CNTN6: variants seen among roughly 807,000 people sequenced by gnomAD.
CNTN6 encodes contactin-6.
A neutral mutation model predicts 122.8 loss-of-function variants in CNTN6; 137 were observed. The observed-to-expected ratio is 1.12, with a 90% CI of 0.97 to 1.29. The LOEUF is 1.29. Among genes scored for constraint, CNTN6 ranks in the 50% most tolerant of loss-of-function variants. The pLI is 0.00. For synonymous variants in CNTN6, 570 were observed against 426.0 expected, an observed-to-expected ratio of 1.34 and a Z score of -4.16; for missense variants, 1,634 against 1,223.4, an observed-to-expected ratio of 1.34 and a Z score of -5.01.
intron 17 of CNTN6, among the ~76,000 whole-genome samples, chr3:1,377,800 G>T (rs573559012): frequency 2.6e-5 from 4 of 152,190 alleles, no homozygotes; most frequent in Non-Finnish European, 4.4e-5. Flanking sequence ...AGCTGTAGAA[G>T]GTTGGTGTTG....
intron 7 of CNTN6, among the ~76,000 whole-genome samples, chr3:1,304,779 G>A (rs1698058353): frequency 6.6e-6 from 1 of 151,880 alleles, no homozygotes; most frequent in Non-Finnish European, 1.5e-5. Context: ...GGATCACGAG[G>A]TCAGGAGTTC....
At chr3:1,181,628 T>C (rs1316486129) in intron 2 of CNTN6, among the ~76,000 whole-genome samples, 2 of 152,138 alleles carry the variant, frequency 1.3e-5, no homozygotes, top group Non-Finnish European at 2.9e-5. Context: ...CTCCAGGTAT[T>C]ACATTTATGC....
intron 1 of CNTN6, among the ~76,000 whole-genome samples, chr3:1,107,028 G>C (rs368087380): frequency 6.6e-6 from 1 of 152,000 alleles, no homozygotes; most frequent in Admixed American, 6.6e-5. Flanking sequence ...GTTTTATTAA[G>C]GGTCTCAATG....
At chr3:1,359,699 C>A (rs750527850) in intron 12 of CNTN6, among the ~76,000 whole-genome samples, 1 of 151,952 alleles carries the variant, frequency 6.6e-6, no homozygotes, top group African/African-American at 2.4e-5. Flanking sequence ...TTTAGACTTA[C>A]GGATTGTATT....
chr3:1,312,660 A>C (rs1327413388), intron 7 of CNTN6, among the ~76,000 whole-genome samples: 1 of 150,620 alleles, frequency 6.6e-6, no homozygotes, highest in Non-Finnish European at 1.5e-5. Flanking sequence ...AAGACACATT[A>C]GTTCCTTAGG....
At chr3:1,208,522 A>T (rs2093988656) in intron 2 of CNTN6, among the ~76,000 whole-genome samples, 2 of 151,978 alleles carry the variant, frequency 1.3e-5, no homozygotes, top group African/African-American at 4.8e-5. Flanking sequence ...GCTCCTTTAA[A>T]ATTATATTTA....
At chr3:1,389,811 G>C (rs1693823033) in intron 20 of CNTN6, among the ~76,000 whole-genome samples, 1 of 151,276 alleles carries the variant, frequency 6.6e-6, no homozygotes, top group South Asian at 2.1e-4. Context: ...AAGAGACAAA[G>C]AAGGCCATTA....
intron 1 of CNTN6, among the ~76,000 whole-genome samples, chr3:1,142,968 G>GTGTATATATATATATATATA (rs1217250181): frequency 1.6e-5 from 2 of 128,652 alleles, no homozygotes; most frequent in Admixed American, 7.8e-5. Context: ...GTGTGTGTGT[G>GTGTATATATATATATATATA]TATATATATA....
At chr3:1,383,521 C>A in intron 19 of CNTN6, 113 bp downstream of exon 19, 1 of 757,684 alleles carries the variant, frequency 1.3e-6, no homozygotes, top group Non-Finnish European at 2.2e-6. Context: ...TAATGTGTGT[C>A]TAAAGCTAAA....
rs772718865 is a variant in CNTN6 at position 1,401,485 on chromosome 3, A to T, written c.2757A>T (p.Leu919Phe). The change falls in exon 21 of 23, where the codon TTA (leucine) becomes TTT (phenylalanine). Residue 919 changes from leucine (L) to phenylalanine (F), a missense_variant. By Grantham distance (22) the Leu-to-Phe change is conservative (BLOSUM62 0). Transcript: ENST00000446702. ...CCTGGAAGCTGACAAACTCTAAATT[A>T]TGCTTGAACTGGGAGCATGTAAAAA... is the stretch of plus-strand genomic sequence containing the variant. ...NIAWKLTNSK[L>F]CLNWEHVKTM... 1 of 1,612,120 alleles carries T rather than the reference A, an allele frequency of 6.2e-7. No individual in the cohort carries two copies. The highest frequency in any genetic ancestry group is 8.5e-7 in the Non-Finnish European group (1 of 1,178,658).
At chr3:1,245,232 ATATAC>A (rs1559595789) in intron 4 of CNTN6, among the ~76,000 whole-genome samples, 3 of 13,190 alleles carry the variant, frequency 2.3e-4, no homozygotes, top group Non-Finnish European at 2.6e-4. Flanking sequence ...ATATATATAT[ATATAC>A]ACACACACAT....
At chr3:1,182,911 A>G (rs1230089345) in intron 2 of CNTN6, among the ~76,000 whole-genome samples, 1 of 152,142 alleles carries the variant, frequency 6.6e-6, no homozygotes, top group Non-Finnish European at 1.5e-5. Context: ...AGATTCATCT[A>G]AAGACCAGCT....
chr3:1,315,163 C>T (rs1699921298), intron 7 of CNTN6, among the ~76,000 whole-genome samples: 1 of 151,982 alleles, frequency 6.6e-6, no homozygotes, highest in African/African-American at 2.4e-5. Context: ...CTGAAGACCC[C>T]TTCAAAGATC....
chr3:1,371,850 G>GT (rs1235964062), intron 12 of CNTN6, among the ~76,000 whole-genome samples: 1 of 152,068 alleles, frequency 6.6e-6, no homozygotes, highest in Non-Finnish European at 1.5e-5. Context: ...AAATATAAAC[G>GT]TATGTCTAAA....
intron 1 of CNTN6, among the ~76,000 whole-genome samples, chr3:1,094,248 T>A (rs1270157936): frequency 6.6e-6 from 1 of 152,148 alleles, no homozygotes; most frequent in Non-Finnish European, 1.5e-5. Context: ...AGGAAAGAAA[T>A]GTTTAAGCAG....
intron 4 of CNTN6, among the ~76,000 whole-genome samples, chr3:1,273,302 A>C (rs1691712967): frequency 6.6e-6 from 1 of 152,232 alleles, no homozygotes; most frequent in Admixed American, 6.5e-5. Flanking sequence ...TCAGAGAACG[A>C]TCTCATTCTA....
intron 7 of CNTN6, among the ~76,000 whole-genome samples, chr3:1,303,430 C>G (rs1013734640): frequency 1.3e-5 from 2 of 152,150 alleles, no homozygotes; most frequent in African/African-American, 4.8e-5. Context: ...TAGGGTTAGA[C>G]TGTAATTACT....
chr3:1,393,904 C>G (rs1187612398), intron 20 of CNTN6, among the ~76,000 whole-genome samples: 1 of 152,128 alleles, frequency 6.6e-6, no homozygotes, highest in East Asian at 1.9e-4. Flanking sequence ...ATTCACATCT[C>G]ACTACTAATT....
chr3:1,148,339 T>C (rs971773543), intron 2 of CNTN6, among the ~76,000 whole-genome samples: 1 of 151,860 alleles, frequency 6.6e-6, no homozygotes, highest in Non-Finnish European at 1.5e-5. Context: ...TTTAATTATA[T>C]AATATACTAT....
Sources: allele counts gnomAD v4.1 joint callset (sites outside exome capture counted in the v4.1 genomes callset), GRCh38; gene constraint gnomAD v4.1.1; transcripts MANE v1.5; gene names NCBI Gene and HGNC (gene_info 2026-07-23, HGNC 2026-07-21).